Variants in NCOA7 observed in about 807,000 individuals in gnomAD.
The protein encoded by NCOA7 is nuclear receptor coactivator 7.
Under a neutral mutation model 104.3 loss-of-function variants are expected in NCOA7, and 45 were observed. That is an observed-to-expected ratio of 0.43 (90% CI 0.34 to 0.55). NCOA7 has a LOEUF of 0.55. NCOA7 is among the 20% of genes least tolerant of loss of function. The pLI is 0.02. For synonymous variants in NCOA7, 398 were observed against 402.3 expected (o/e 0.99, Z 0.13); for missense variants, 1,041 against 1,119.7 (o/e 0.93, Z 1.00).
intron 3 of NCOA7, 93 bp from the exon 4 acceptor site, chr6:125,874,796 T>G: frequency 1.1e-6 from 1 of 880,958 alleles, no homozygotes; most frequent in Non-Finnish European, 1.8e-6. Context: ...TTTTGTCAGT[T>G]GATTTGAAAG....
intron 2 of NCOA7, among the ~76,000 whole-genome samples, chr6:125,834,614 T>C (rs184890050): frequency 7.9e-5 from 12 of 152,328 alleles, no homozygotes; most frequent in African/African-American, 2.9e-4. Context: ...AGACCAATGA[T>C]ATCTCAAGCT....
chr6:125,875,941 G>C (rs1489584732), intron 4 of NCOA7, among the ~76,000 whole-genome samples: 1 of 152,166 alleles, frequency 6.6e-6, no homozygotes, highest in Non-Finnish European at 1.5e-5. Context: ...TGCATCATAA[G>C]CTCCTGGAGG....
intron 10 of NCOA7, among the ~76,000 whole-genome samples, chr6:125,894,007 A>C (rs923764922): frequency 6.6e-6 from 1 of 152,182 alleles, no homozygotes; most frequent in African/African-American, 2.4e-5. Context: ...CAGTTTCCAC[A>C]ACTCTACTTA....
At chr6:125,808,276 A>G (rs1031749264) in intron 1 of NCOA7, among the ~76,000 whole-genome samples, 2 of 152,184 alleles carry the variant, frequency 1.3e-5, no homozygotes, top group Non-Finnish European at 2.9e-5. Flanking sequence ...CAGCACTGGC[A>G]TCACCTGTGA....
chr6:125,783,949 C>T (rs997196284), intron 1 of NCOA7, among the ~76,000 whole-genome samples: 3 of 152,142 alleles, frequency 2.0e-5, no homozygotes, highest in Non-Finnish European at 2.9e-5. Context: ...AAAGCAGTTC[C>T]ATATCATTGG....
intron 10 of NCOA7, among the ~76,000 whole-genome samples, chr6:125,904,328 T>C (rs1785775919): frequency 6.6e-6 from 1 of 152,170 alleles, no homozygotes; most frequent in Admixed American, 6.5e-5. Context: ...AACATTTTTT[T>C]GTTTACTCTC....
intron 1 of NCOA7, among the ~76,000 whole-genome samples, chr6:125,813,313 G>A (rs1777239826): frequency 6.6e-6 from 1 of 152,132 alleles, no homozygotes; most frequent in Non-Finnish European, 1.5e-5. Flanking sequence ...CAGCATACAA[G>A]GCTTTCCGTG....
At chr6:125,915,197 T>A (rs1421140029) in intron 10 of NCOA7, 136 bp from the exon 11 acceptor site, 1 of 1,091,778 alleles carries the variant, frequency 9.2e-7, no homozygotes, top group Non-Finnish European at 1.3e-6. Context: ...GAGATAACCT[T>A]GATAATGGGA....
intron 3 of NCOA7, among the ~76,000 whole-genome samples, chr6:125,860,382 C>G (rs1781939089): frequency 6.6e-6 from 1 of 152,138 alleles, no homozygotes; most frequent in South Asian, 2.1e-4. Context: ...GAGTCTTGCT[C>G]TGTTGCCCAG....
At chr6:125,861,025 T>A (rs190094866) in intron 3 of NCOA7, among the ~76,000 whole-genome samples, 3 of 152,368 alleles carry the variant, frequency 2.0e-5, no homozygotes, top group East Asian at 3.9e-4. Flanking sequence ...ATTATCGTAG[T>A]CAAAGATTTA....
At chr6:125,799,738 G>T (rs2128552213) in intron 1 of NCOA7, among the ~76,000 whole-genome samples, 1 of 152,002 alleles carries the variant, frequency 6.6e-6, no homozygotes, top group South Asian at 2.1e-4. Flanking sequence ...CGCTTTGCCG[G>T]GCCAGTTCTT....
At chr6:125,923,801 G>A (rs1047871593) in intron 13 of NCOA7, among the ~76,000 whole-genome samples, 1 of 152,140 alleles carries the variant, frequency 6.6e-6, no homozygotes, top group African/African-American at 2.4e-5. Flanking sequence ...ACATGTCCAC[G>A]TTGTAATGAG....
intron 1 of NCOA7, among the ~76,000 whole-genome samples, chr6:125,793,698 C>T (rs1027639879): frequency 1.3e-5 from 2 of 152,104 alleles, no homozygotes; most frequent in African/African-American, 4.8e-5. Context: ...TTTAAAATCC[C>T]AGCCCATAAT....
chr6:125,875,188 T>C, intron 4 of NCOA7: 1 of 442,766 alleles, frequency 2.3e-6, no homozygotes, highest in Non-Finnish European at 4.2e-6. Flanking sequence ...GTGATCTGGC[T>C]GCAACATCCA....
At chr6:125,856,038 A>G (rs1190840967) in intron 3 of NCOA7, among the ~76,000 whole-genome samples, 2 of 152,180 alleles carry the variant, frequency 1.3e-5, no homozygotes, top group African/African-American at 4.8e-5. Context: ...CTTGACCTGA[A>G]TCACCCATCT....
chr6:125,797,661 C>A (rs942746757), intron 1 of NCOA7, among the ~76,000 whole-genome samples: 8 of 152,142 alleles, frequency 5.3e-5, no homozygotes, highest in African/African-American at 1.9e-4. Flanking sequence ...AATATTCTAG[C>A]CATTGGATAA....
At position 125,881,088 on chromosome 6, in the gene NCOA7, A is replaced by G. The variant is rs1433060686; in HGVS notation, c.460-2A>G. 3 of 1,606,188 alleles carry G rather than the reference A, an allele frequency of 1.9e-6. No homozygotes were observed. The highest frequency in any genetic ancestry group is 2.6e-6 in the Non-Finnish European group (3 of 1,172,940). ...CACCCATCTGTTCTCTCCCATTCTC[A>G]GGTCCTTTTTGTGCCAGATGCCAAC... On this transcript the variant is annotated splice_acceptor_variant, in intron 5 of 15. Coordinates refer to ENST00000392477, the MANE Select transcript of NCOA7 (RefSeq NM_181782.5). LOFTEE classifies it high-confidence loss of function.
chr6:125,853,762 G>A (rs1781322114), intron 2 of NCOA7, among the ~76,000 whole-genome samples: 1 of 152,038 alleles, frequency 6.6e-6, no homozygotes, highest in Non-Finnish European at 1.5e-5. Context: ...TGTCAATTAA[G>A]CCTAATAAAA....
chr6:125,913,117 A>G lies in NCOA7; in HGVS notation c.2097-2216A>G, dbSNP rs536476268. Among the ~76,000 whole-genome samples, 26 of 152,330 alleles carry G rather than the reference A, an allele frequency of 1.7e-4. No individual in the cohort carries two copies. The South Asian group carries it at 5.2e-3, about 30-fold the overall frequency. On this transcript the variant is annotated intron_variant, in intron 10 of 15. Coordinates refer to ENST00000392477, the MANE Select transcript of NCOA7 (RefSeq NM_181782.5). ...ATAGCCTTTCAGAGTAGTTTATTGT[A>G]TAACATTAGTCAAGGTTCTTCAGAG...
Sources: allele counts gnomAD v4.1 joint callset (sites outside exome capture counted in the v4.1 genomes callset), GRCh38; gene constraint gnomAD v4.1.1; transcripts MANE v1.5; gene names NCBI Gene and HGNC (gene_info 2026-07-23, HGNC 2026-07-21).